The following CNTN6 variants were observed in gnomAD, a reference collection of about 807,000 sequenced individuals.
CNTN6 encodes contactin-6.
Under a neutral mutation model 122.8 loss-of-function variants are expected in CNTN6, and 137 were observed. That is an observed-to-expected ratio of 1.12 (90% CI 0.97 to 1.29). The LOEUF (loss-of-function observed/expected upper bound fraction) is 1.29. CNTN6 is among the 50% of genes most tolerant of loss of function. The pLI is 0.00. For synonymous variants in CNTN6, 570 were observed against 426.0 expected (o/e 1.34, Z -4.16); for missense variants, 1,634 against 1,223.4 (o/e 1.34, Z -5.01).
At chr3:1,170,687 T>C (rs1251992123) in intron 2 of CNTN6, among the ~76,000 whole-genome samples, 2 of 152,202 alleles carry the variant, frequency 1.3e-5, no homozygotes, top group African/African-American at 2.4e-5. Flanking sequence ...AAAGGAAAGA[T>C]ACATAAGCCA....
chr3:1,241,029 G>T (rs1052008535), intron 4 of CNTN6, among the ~76,000 whole-genome samples: 3 of 152,006 alleles, frequency 2.0e-5, no homozygotes, highest in Admixed American at 2.0e-4. Flanking sequence ...GGGTGGGGGA[G>T]ACTACAAAGT....
At chr3:1,328,806 G>C (rs951084818) in intron 10 of CNTN6, among the ~76,000 whole-genome samples, 1 of 151,644 alleles carries the variant, frequency 6.6e-6, no homozygotes, top group Non-Finnish European at 1.5e-5. Flanking sequence ...ATTAGAAATG[G>C]AGACTGGACA....
chr3:1,102,690 C>G (rs543240878), intron 1 of CNTN6, among the ~76,000 whole-genome samples: 1 of 148,642 alleles, frequency 6.7e-6, no homozygotes, highest in African/African-American at 2.5e-5. Context: ...ATGGCGCCAC[C>G]GCCCTCCAGC....
intron 4 of CNTN6, among the ~76,000 whole-genome samples, chr3:1,245,323 T>TA (rs1559598274): frequency 8.1e-5 from 4 of 49,080 alleles, no homozygotes; most frequent in Admixed American, 2.2e-4. Context: ...TATATATATA[T>TA]ATATATATAT....
At chr3:1,268,531 C>A (rs941609046) in intron 4 of CNTN6, among the ~76,000 whole-genome samples, 2 of 146,568 alleles carry the variant, frequency 1.4e-5, no homozygotes, top group East Asian at 2.1e-4. Flanking sequence ...GGCGTGAACC[C>A]GGGAGGAGGA....
chr3:1,370,235 T>A (rs155853), intron 12 of CNTN6, among the ~76,000 whole-genome samples: 104,804 of 151,430 alleles, frequency 0.69, 36,638 homozygotes, highest in African/African-American at 0.78. Context: ...TCTTTTTTTT[T>A]AATTTTATTA....
chr3:1,238,334 A>G (rs1328568592), intron 4 of CNTN6, among the ~76,000 whole-genome samples: 1 of 152,166 alleles, frequency 6.6e-6, no homozygotes, highest in Non-Finnish European at 1.5e-5. Context: ...AGCAGTTTAA[A>G]CAAACAAAGA....
intron 2 of CNTN6, among the ~76,000 whole-genome samples, chr3:1,212,129 G>A (rs2094047828): frequency 1.3e-5 from 2 of 151,986 alleles, no homozygotes; most frequent in Admixed American, 6.6e-5. Flanking sequence ...AAGAAAGGTA[G>A]GGCAGAACCC....
chr3:1,185,517 CTG>C (rs562695854), intron 2 of CNTN6, among the ~76,000 whole-genome samples: 134 of 152,232 alleles, frequency 8.8e-4, no homozygotes, highest in African/African-American at 3.1e-3. Context: ...AACACTTTGT[CTG>C]TGTTTGGTAT....
rs201171319 is a variant in CNTN6, at chr3:1,200,932, TC to T, written c.56-19754del. Among the ~76,000 whole-genome samples the T allele has an allele frequency of 8.7e-3, 1,295 of 148,654 alleles. 15 individuals are homozygous for T. Among genetic ancestry groups the T allele is most frequent in the African/African-American group, 0.024 (982 of 40,540 alleles). The stretch of plus-strand genomic sequence containing the variant: ...CCCTTTGTTTCTTTCGTTCTTTTTT[TC>T]TTTTTTTTTTTTTCCCAAGGTCTGA... On this transcript the variant is annotated intron_variant, in intron 2 of 22. Coordinates refer to ENST00000446702, the MANE Select transcript of CNTN6 (RefSeq NM_001289080.2).
At chr3:1,107,651 G>A (rs914374990) in intron 1 of CNTN6, among the ~76,000 whole-genome samples, 1 of 152,038 alleles carries the variant, frequency 6.6e-6, no homozygotes, top group African/African-American at 2.4e-5. Context: ...CCATGCTCCA[G>A]GTGTGGTGGC....
At chr3:1,260,318 C>G (rs554873802) in intron 4 of CNTN6, among the ~76,000 whole-genome samples, 1 of 152,036 alleles carries the variant, frequency 6.6e-6, no homozygotes, top group African/African-American at 2.4e-5. Flanking sequence ...TTCAAAACAT[C>G]CAGAGGCTCC....
chr3:1,216,741 A>G (rs1250956436), intron 2 of CNTN6, among the ~76,000 whole-genome samples: 1 of 152,248 alleles, frequency 6.6e-6, no homozygotes, highest in Non-Finnish European at 1.5e-5. Flanking sequence ...AAAGGTGCCT[A>G]AATTACAATT....
chr3:1,308,025 G>C (rs570647990), intron 7 of CNTN6, among the ~76,000 whole-genome samples: 1 of 152,220 alleles, frequency 6.6e-6, no homozygotes, highest in South Asian at 2.1e-4. Flanking sequence ...GATGAATAGA[G>C]TGTTGTGCTT....
At chr3:1,369,643 G>C (rs1291830851) in intron 12 of CNTN6, among the ~76,000 whole-genome samples, 1 of 152,088 alleles carries the variant, frequency 6.6e-6, no homozygotes, top group Non-Finnish European at 1.5e-5. Flanking sequence ...AGGACTTGCT[G>C]TCATTTTTAA....
At position 1,124,610 on chromosome 3, in the gene CNTN6, G is replaced by A. The variant is rs77320292; in HGVS notation, c.-82-23317G>A. 3.8e-3 allele frequency among the ~76,000 whole-genome samples: 580 copies of A among 151,922 alleles called. 7 individuals are homozygous for A. The highest frequency in any genetic ancestry group is 0.013 in the African/African-American group (557 of 41,474). ...ATAGTGTACACTGGTCTAGTGATAG[G>A]TGCTCTAAAATCTCAGACATCCCTG... is the stretch of plus-strand genomic sequence containing the variant. On this transcript the variant is annotated intron_variant, in intron 1 of 22. Transcript: ENST00000446702.
intron 17 of CNTN6, among the ~76,000 whole-genome samples, chr3:1,378,105 G>A (rs1710144912): frequency 6.6e-6 from 1 of 152,026 alleles, no homozygotes; most frequent in Non-Finnish European, 1.5e-5. Context: ...GGTGGTCTTT[G>A]TGGATAGAGT....
chr3:1,143,544 G>A (rs1054601869), intron 1 of CNTN6, among the ~76,000 whole-genome samples: 45 of 152,234 alleles, frequency 3.0e-4, no homozygotes, highest in Non-Finnish European at 1.0e-4. Flanking sequence ...GCATGTCAGT[G>A]ACTAGCAGAA....
rs1045705294 is a variant in CNTN6, at chr3:1,313,736, C to A, written c.762-7914C>A. Among the ~76,000 whole-genome samples the A allele has an allele frequency of 2.0e-5, 3 of 152,152 alleles. No homozygotes were observed. The South Asian group carries it at 6.2e-4, about 32-fold the overall frequency. On this transcript the variant is annotated intron_variant, in intron 7 of 22. Coordinates refer to ENST00000446702, the MANE Select transcript of CNTN6 (RefSeq NM_001289080.2). ...GGCTGCCATCACAAAATACTGTAGA[C>A]TTGTAAACAACAGGAATTGGCTTGT... is the stretch of plus-strand genomic sequence containing the variant.
Sources: allele counts gnomAD v4.1 joint callset (sites outside exome capture counted in the v4.1 genomes callset), GRCh38; gene constraint gnomAD v4.1.1; transcripts MANE v1.5; gene names NCBI Gene and HGNC (gene_info 2026-07-23, HGNC 2026-07-21).